The following KCNQ1 variants were observed in gnomAD, a reference collection of about 807,000 sequenced individuals.
KCNQ1 encodes the protein potassium voltage-gated channel subfamily KQT member 1.
In KCNQ1, 49 loss-of-function variants were observed where a neutral mutation model predicts 72.4. The observed-to-expected ratio is 0.68, with a 90% confidence interval of 0.54 to 0.86. KCNQ1 has a LOEUF of 0.86. Among genes scored for constraint, KCNQ1 ranks in the 40% least tolerant of loss-of-function variants. The pLI is 0.00. For synonymous variants in KCNQ1, 450 were observed against 412.6 expected (o/e 1.09, Z -1.10); for missense variants, 790 against 945.1 (o/e 0.84, Z 2.15).
chr11:2,447,013 G>A lies in KCNQ1; in HGVS notation c.386+1529G>A, dbSNP rs1589885270. Among the ~76,000 whole-genome samples the A allele has an allele frequency of 6.6e-6, 1 of 152,208 alleles. No homozygotes were observed. Among genetic ancestry groups the A allele is most frequent in the Admixed American group, 6.5e-5 (1 of 15,282 alleles). On this transcript the variant is annotated intron_variant, in intron 1 of 15. Transcript: ENST00000155840. This position sits in a 1 kb window ranked among gnomAD's most constrained non-coding sequence, Gnocchi z 7.6. ...CAGACTCTCTGAGATGTCCAAGGGT[G>A]GGAAGACCTCCTCAGCCAGAGGCCA... is the stretch of plus-strand genomic sequence containing the variant.
chr11:2,707,174 G>T (rs969242183), intron 11 of KCNQ1, among the ~76,000 whole-genome samples: 2 of 152,116 alleles, frequency 1.3e-5, no homozygotes, highest in Admixed American at 6.5e-5. Flanking sequence ...CAGGTGTGAT[G>T]GGGTGGTGAT....
chr11:2,831,437 C>T (rs1490438233), intron 15 of KCNQ1, among the ~76,000 whole-genome samples: 1 of 152,094 alleles, frequency 6.6e-6, no homozygotes, highest in Non-Finnish European at 1.5e-5. Context: ...CTTCTGCCTC[C>T]AGGAAGCCCT....
chr11:2,632,064 T>A (rs1399382584), intron 10 of KCNQ1: 1 of 395,776 alleles, frequency 2.5e-6, no homozygotes, highest in African/African-American at 2.1e-5. Flanking sequence ...GTGCCTGTAG[T>A]CCCAGCTACT....
rs953056147 is a variant in KCNQ1, at chr11:2,734,369, G to A, written c.1515-34475G>A. 3.3e-5 allele frequency among the ~76,000 whole-genome samples: 5 copies of A among 152,358 alleles called. No individual in the cohort carries two copies. The highest frequency in any genetic ancestry group is 3.4e-3 in the Middle Eastern group (1 of 294). ...CAAGGGTAGAGGCAGGGGAGCAATG[G>A]ATGGGTTGAATGAGGAAGCTTCACA... is the stretch of plus-strand genomic sequence containing the variant. On this transcript the variant is annotated intron_variant, in intron 11 of 15. Transcript: ENST00000155840. The surrounding 1 kb of genome is among the most constrained non-coding windows in gnomAD (Gnocchi z 7.0).
In KCNQ1 at chr11:2,775,613, T is replaced by TG. The variant is rs569752382; in HGVS notation, c.1591-340dup. Among the ~76,000 whole-genome samples the TG allele has an allele frequency of 2.1e-3, 321 of 152,196 alleles. 1 individual carries two copies. The highest frequency in any genetic ancestry group is 7.2e-3 in the African/African-American group (299 of 41,530). ...GGCACTGTGCTGCTCCTTGACCCCT[T>TG]GGGGGGGCCAGCTCTTCCTGAAGCC... is the stretch of plus-strand genomic sequence containing the variant. On this transcript the variant is annotated intron_variant, in intron 12 of 15. Transcript: ENST00000155840.
At chr11:2,553,987 G>T (rs925640017) in intron 2 of KCNQ1, among the ~76,000 whole-genome samples, 1 of 152,196 alleles carries the variant, frequency 6.6e-6, no homozygotes, top group Non-Finnish European at 1.5e-5. Flanking sequence ...AAAGTGCTGG[G>T]ATTACAAGCG....
Position 2,566,726 on chromosome 11 carries a change from C to T in KCNQ1, c.478-3902C>T. On this transcript the variant is annotated intron_variant, in intron 2 of 15. Coordinates refer to ENST00000155840, the MANE Select transcript of KCNQ1 (RefSeq NM_000218.3). This position sits in a 1 kb window ranked among gnomAD's most constrained non-coding sequence, Gnocchi z 6.7. ...ACGGGGCAGAGCTCAGGGCCGCACT[C>T]CATCAGCATCCCGGGCCATTGCATC... 6.6e-6 allele frequency among the ~76,000 whole-genome samples: 1 copy of T among 152,180 alleles called. No individual in the cohort carries two copies. The highest frequency in any genetic ancestry group is 1.5e-5 in the Non-Finnish European group (1 of 68,040).
Position 2,848,516 on chromosome 11 carries a change from G to T in KCNQ1, c.*513G>T. 1 of 455,010 alleles carries T rather than the reference G, an allele frequency of 2.2e-6. No individual in the cohort carries two copies. The highest frequency in any genetic ancestry group is 4.4e-6 in the Non-Finnish European group (1 of 227,352). 28.2% of individuals were successfully genotyped at this position (455,010 alleles called of 1,614,324 possible). On this transcript the variant is annotated 3_prime_UTR_variant, in exon 16 of 16. Transcript: ENST00000155840. ...AAAAGCCCAGGAGCCCATTTGGAGG[G>T]CCTGGGCCTGGCTCCCTCACTCTCA...
At chr11:2,489,175 A>C (rs1846791457) in intron 1 of KCNQ1, among the ~76,000 whole-genome samples, 1 of 152,206 alleles carries the variant, frequency 6.6e-6, no homozygotes, top group African/African-American at 2.4e-5. Context: ...GTACTGAATC[A>C]CTGACAGCAC....
At chr11:2,793,583 C>T (rs1847075255) in intron 15 of KCNQ1, among the ~76,000 whole-genome samples, 1 of 152,136 alleles carries the variant, frequency 6.6e-6, no homozygotes, top group Non-Finnish European at 1.5e-5. Flanking sequence ...ATGATCACAC[C>T]ACTGCACTCT....
rs1395814632 is a variant in KCNQ1, at chr11:2,711,388, CT to C, written c.1514+49310del. On this transcript the variant is annotated intron_variant, in intron 11 of 15. Transcript: ENST00000155840. This position sits in a 1 kb window ranked among gnomAD's most constrained non-coding sequence, Gnocchi z 5.4. ...CTTGCGCACTAATTGTTGCCCAAGT[CT>C]TTGCACATCCTGCATCCTGCCTGGA... Among the ~76,000 whole-genome samples the C allele has an allele frequency of 2.0e-5, 3 of 152,220 alleles. No homozygotes were observed. Among genetic ancestry groups the C allele is most frequent in the African/African-American group, 7.2e-5 (3 of 41,450 alleles).
At position 2,623,646 on chromosome 11, in the gene KCNQ1, C is replaced by T. The variant is rs1849211908; in HGVS notation, c.1393+34792C>T. 2.5e-6 allele frequency: 1 copy of T among 398,524 alleles called. No homozygotes were observed. Among genetic ancestry groups the T allele is most frequent in the Non-Finnish European group, 4.4e-6 (1 of 226,036 alleles). The allele number at this position is 398,524 out of a possible 1,614,324, so 24.7% of individuals were successfully genotyped here. A position where few individuals can be genotyped will look rare whatever the true frequency, so the allele number is the denominator to read the frequency against. On this transcript the variant is annotated intron_variant, in intron 10 of 15. Transcript: ENST00000155840. The surrounding 1 kb of genome is among the most constrained non-coding windows in gnomAD (Gnocchi z 5.2). ...AATAATATTTCATTGCCTGGATGTACTACAGTTTATCTGTCTACTCACCTA... is the reference window on the plus strand; with the variant it reads ...AATAATATTTCATTGCCTGGATGTATTACAGTTTATCTGTCTACTCACCTA...
In KCNQ1 at chr11:2,782,557, G is replaced by T. The variant is rs1438962808; in HGVS notation, c.1794+4520G>T. ...CCTCAAATGTTTGGTGGAATTTAAAGGTAAAGACATCTAGGCCTGGTGTTT... is the reference window on the plus strand; with the variant it reads ...CCTCAAATGTTTGGTGGAATTTAAATGTAAAGACATCTAGGCCTGGTGTTT... On this transcript the variant is annotated intron_variant, in intron 15 of 15. Transcript: ENST00000155840. This position sits in a 1 kb window ranked among gnomAD's most constrained non-coding sequence, Gnocchi z 6.1. 1.3e-5 allele frequency among the ~76,000 whole-genome samples: 2 copies of T among 152,160 alleles called. No individual in the cohort carries two copies. Among genetic ancestry groups the T allele is most frequent in the Non-Finnish European group, 2.9e-5 (2 of 68,018 alleles).
intron 10 of KCNQ1, chr11:2,660,574 A>G (rs1849933528): frequency 2.5e-6 from 1 of 398,552 alleles, no homozygotes; most frequent in African/African-American, 2.1e-5. Flanking sequence ...AAGGACATGA[A>G]CAGGCAATTC....
chr11:2,793,475 T>G (rs1003974983), intron 15 of KCNQ1, among the ~76,000 whole-genome samples: 3 of 105,556 alleles, frequency 2.8e-5, no homozygotes, highest in African/African-American at 8.9e-5. Flanking sequence ...AAATAAAAAA[T>G]TAGCCAAGCG....
intron 14 of KCNQ1, among the ~76,000 whole-genome samples, chr11:2,777,356 T>C (rs904309649): frequency 7.2e-6 from 1 of 138,706 alleles, no homozygotes; most frequent in Admixed American, 7.1e-5. Context: ...GGGTGGGGTT[T>C]GGGTGGGGTG....
intron 1 of KCNQ1, among the ~76,000 whole-genome samples, chr11:2,517,464 G>C (rs907004182): frequency 6.6e-6 from 1 of 152,184 alleles, no homozygotes; most frequent in Admixed American, 6.5e-5. Flanking sequence ...GGCCCCACGC[G>C]TGTTGAGTCC....
At chr11:2,607,841 T>C (rs1848906256) in intron 10 of KCNQ1, among the ~76,000 whole-genome samples, 2 of 152,334 alleles carry the variant, frequency 1.3e-5, no homozygotes, top group East Asian at 3.9e-4. Flanking sequence ...TTTTTAAACA[T>C]TGCTTGATTT....
rs1590130029 is a variant in KCNQ1, at chr11:2,847,716, C to T, written c.1795-51C>T. The T allele has an allele frequency of 4.6e-6, 7 of 1,524,268 alleles. No individual in the cohort carries two copies. The Admixed American group carries it at 7.7e-5, about 17-fold the overall frequency. The allele number at this position is 1,524,268 out of a possible 1,614,324, so 94.4% of individuals were successfully genotyped here. A position where few individuals can be genotyped will look rare whatever the true frequency, so the allele number is the denominator to read the frequency against. ...AACCTGGGCCCTGAGGCTGTCTGCACACCTGGGTGCTTCCCACCACTGACT... is the reference window on the plus strand; with the variant it reads ...AACCTGGGCCCTGAGGCTGTCTGCATACCTGGGTGCTTCCCACCACTGACT... On this transcript the variant is annotated intron_variant, in intron 15 of 15. Transcript: ENST00000155840.
Sources: allele counts gnomAD v4.1 joint callset (sites outside exome capture counted in the v4.1 genomes callset), GRCh38; gene constraint gnomAD v4.1.1; non-coding constraint Gnocchi (gnomAD v3.1); transcripts MANE v1.5; gene names NCBI Gene and HGNC (gene_info 2026-07-23, HGNC 2026-07-21).